SDCCAG8: variants seen among roughly 807,000 people sequenced by gnomAD.
SDCCAG8 encodes the protein serologically defined colon cancer antigen 8.
A neutral mutation model predicts 101.8 loss-of-function variants in SDCCAG8; 74 were observed. The ratio of observed to expected loss-of-function variants is 0.73; its 90% CI spans 0.60 to 0.88. The LOEUF (loss-of-function observed/expected upper bound fraction) is 0.88. SDCCAG8 is among the 40% of genes least tolerant of loss of function. The pLI, the probability that SDCCAG8 is intolerant of heterozygous loss-of-function variation, is 0.00. For missense variants in SDCCAG8, 787 were observed against 822.6 expected (o/e 0.96, Z 0.53); for synonymous variants, 281 against 292.9 (o/e 0.96, Z 0.41).
At chr1:243,311,732 T>C (rs1030225022) in intron 8 of SDCCAG8, among the ~76,000 whole-genome samples, 1 of 151,036 alleles carries the variant, frequency 6.6e-6, no homozygotes, top group African/African-American at 2.4e-5. Flanking sequence ...CTGGGCAACA[T>C]AGGGAAACCC....
intron 12 of SDCCAG8, among the ~76,000 whole-genome samples, chr1:243,360,883 C>T (rs1438844004): frequency 6.6e-6 from 1 of 152,030 alleles, no homozygotes; most frequent in African/African-American, 2.4e-5. Context: ...ATCTTGTCAC[C>T]CTTCTGAAAC....
At chr1:243,351,543 A>G (rs1460383819) in intron 12 of SDCCAG8, among the ~76,000 whole-genome samples, 2 of 152,222 alleles carry the variant, frequency 1.3e-5, no homozygotes, top group African/African-American at 2.4e-5. Context: ...TGTGTGATGC[A>G]ATAAAGCTTT....
intron 16 of SDCCAG8, among the ~76,000 whole-genome samples, chr1:243,427,082 A>G (rs1434172136): frequency 6.6e-6 from 1 of 152,184 alleles, no homozygotes; most frequent in African/African-American, 2.4e-5. Flanking sequence ...TCACCTATAT[A>G]TTGGCGCTAA....
At chr1:243,356,983 C>T (rs1558347124) in intron 12 of SDCCAG8, among the ~76,000 whole-genome samples, 1 of 152,030 alleles carries the variant, frequency 6.6e-6, no homozygotes, top group African/African-American at 2.4e-5. Flanking sequence ...GGCAACAGAG[C>T]AAGACCCTGT....
intron 4 of SDCCAG8, among the ~76,000 whole-genome samples, chr1:243,279,939 C>A (rs1448170684): frequency 6.6e-6 from 1 of 152,114 alleles, no homozygotes; most frequent in African/African-American, 2.4e-5. Flanking sequence ...GAAATACTTC[C>A]TCTTGAATTT....
chr1:243,483,305 C>T (rs1348895367), intron 16 of SDCCAG8, among the ~76,000 whole-genome samples: 6 of 152,078 alleles, frequency 3.9e-5, no homozygotes, highest in Non-Finnish European at 7.4e-5. Context: ...GCAGCGTCCC[C>T]GCCGCCACCC....
intron 4 of SDCCAG8, among the ~76,000 whole-genome samples, chr1:243,285,154 C>T (rs920620036): frequency 4.6e-5 from 7 of 152,188 alleles, no homozygotes; most frequent in Non-Finnish European, 1.0e-4. Context: ...GCTGGGATTA[C>T]AGGCGTGAGC....
intron 12 of SDCCAG8, among the ~76,000 whole-genome samples, chr1:243,358,188 T>C (rs569394584): frequency 6.6e-6 from 1 of 152,118 alleles, no homozygotes; most frequent in African/African-American, 2.4e-5. Context: ...TGGTAACTCA[T>C]GTATCTGATA....
At chr1:243,434,018 G>C (rs909917315) in intron 16 of SDCCAG8, among the ~76,000 whole-genome samples, 1 of 152,180 alleles carries the variant, frequency 6.6e-6, no homozygotes, top group African/African-American at 2.4e-5. Context: ...TTATTACTAG[G>C]TTATCAGCGT....
At chr1:243,322,392 T>C (rs2073829026) in intron 9 of SDCCAG8, among the ~76,000 whole-genome samples, 1 of 152,152 alleles carries the variant, frequency 6.6e-6, no homozygotes, top group African/African-American at 2.4e-5. Flanking sequence ...AATATATGCA[T>C]CTACTATGTA....
intron 16 of SDCCAG8, among the ~76,000 whole-genome samples, chr1:243,485,937 G>A (rs1490874448): frequency 8.0e-5 from 12 of 150,698 alleles, no homozygotes; most frequent in Admixed American, 6.6e-4. Flanking sequence ...GGTGGCTCAC[G>A]CCTGTAATCC....
At chr1:243,321,897 C>T (rs930781537) in intron 9 of SDCCAG8, among the ~76,000 whole-genome samples, 36 of 152,350 alleles carry the variant, frequency 2.4e-4, no homozygotes, top group African/African-American at 8.2e-4. Flanking sequence ...GATCCACCCG[C>T]CTCCGCCTCC....
At chr1:243,266,380 G>T (rs1185268989) in intron 1 of SDCCAG8, among the ~76,000 whole-genome samples, 2 of 146,932 alleles carry the variant, frequency 1.4e-5, no homozygotes, top group African/African-American at 5.1e-5. Flanking sequence ...GCAGTGGTGT[G>T]ATCTCGGCTC....
intron 13 of SDCCAG8, among the ~76,000 whole-genome samples, chr1:243,413,293 C>A (rs1371469351): frequency 2.6e-5 from 4 of 152,172 alleles, no homozygotes; most frequent in African/African-American, 4.8e-5. Context: ...GCATCCTCTA[C>A]CTCTCAGGTT....
intron 16 of SDCCAG8, among the ~76,000 whole-genome samples, chr1:243,446,980 G>A (rs751288685): frequency 4.4e-4 from 67 of 152,084 alleles, no homozygotes; most frequent in Non-Finnish European, 8.5e-4. Context: ...GGCCGGGCAC[G>A]GTGTCTCACG....
intron 16 of SDCCAG8, among the ~76,000 whole-genome samples, chr1:243,431,693 AC>A: frequency 6.6e-6 from 1 of 152,028 alleles, no homozygotes; most frequent in Non-Finnish European, 1.5e-5. Flanking sequence ...GTATCAATTC[AC>A]CTATTTCTCC....
Position 243,474,490 on chromosome 1 carries a change from C to T in SDCCAG8, c.1986-14524C>T, listed in dbSNP as rs1234473957. On this transcript the variant is annotated intron_variant, in intron 16 of 17. Transcript: ENST00000366541. This position sits in a 1 kb window ranked among gnomAD's most constrained non-coding sequence, Gnocchi z 4.7. ...TAGTATCCAGAGTCGAAGCAGCCGC[C>T]GGGAGGTCTGGGTGGGCAGGGAGGC... 6.6e-6 allele frequency among the ~76,000 whole-genome samples: 1 copy of T among 152,180 alleles called. No homozygotes were observed. Among genetic ancestry groups the T allele is most frequent in the African/African-American group, 2.4e-5 (1 of 41,450 alleles).
At chr1:243,256,354 G>T in intron 1 of SDCCAG8, 114 bp downstream of exon 1, 1 of 803,402 alleles carries the variant, frequency 1.2e-6, no homozygotes, top group South Asian at 1.4e-5. Flanking sequence ...CGCTACAGAG[G>T]AGCAAGATGG....
intron 16 of SDCCAG8, among the ~76,000 whole-genome samples, chr1:243,439,300 C>A (rs1489017756): frequency 6.6e-6 from 1 of 152,062 alleles, no homozygotes; most frequent in East Asian, 1.9e-4. Context: ...ACCTCAGGTG[C>A]ATGCCACTGC....
Sources: gnomAD v4.1 joint callset for allele counts (sites outside exome capture counted in the v4.1 genomes callset) on GRCh38, gnomAD v4.1.1 for gene constraint, Gnocchi (gnomAD v3.1) non-coding constraint, MANE v1.5 for transcripts, NCBI Gene and HGNC (gene_info 2026-07-23, HGNC 2026-07-21) for gene names.